The following IPO11 variants were observed in gnomAD, a reference collection of about 807,000 sequenced individuals.
The protein encoded by IPO11 is importin-11.
IPO11 carries 66 observed loss-of-function variants against 143.2 expected under a neutral mutation model. The observed-to-expected ratio is 0.46, with a 90% CI of 0.38 to 0.57. The LOEUF is 0.57. Ranked by LOEUF, IPO11 falls within the 20% of genes least tolerant of loss-of-function variation. The probability of loss-of-function intolerance (pLI) is 0.00; values close to 1 mark genes in which losing one functional copy is unlikely to be tolerated. For synonymous variants in IPO11, 385 were observed against 377.8 expected (o/e 1.02, Z -0.22); for missense variants, 1,026 against 1,141.0 (o/e 0.90, Z 1.45).
intron 15 of IPO11, among the ~76,000 whole-genome samples, chr5:62,491,202 T>G (rs1746596876): frequency 6.6e-6 from 1 of 152,240 alleles, no homozygotes; most frequent in African/African-American, 2.4e-5. Flanking sequence ...TAGGTCACAT[T>G]TAGAGCCACA....
At chr5:62,538,460 C>T (rs955244052) in intron 24 of IPO11, among the ~76,000 whole-genome samples, 2 of 152,270 alleles carry the variant, frequency 1.3e-5, no homozygotes, top group South Asian at 2.1e-4. Context: ...GGATGGTTTT[C>T]CCCATGTTGT....
chr5:62,563,415 G>A (rs1174040036), intron 27 of IPO11, among the ~76,000 whole-genome samples: 1 of 152,098 alleles, frequency 6.6e-6, no homozygotes, highest in African/African-American at 2.4e-5. Context: ...ATACCTAATT[G>A]TATCAGAAAA....
At chr5:62,585,093 A>C (rs747036795) in intron 27 of IPO11, among the ~76,000 whole-genome samples, 2 of 152,160 alleles carry the variant, frequency 1.3e-5, no homozygotes, top group Non-Finnish European at 2.9e-5. Context: ...TTTTCGGTAC[A>C]TGCACATAAA....
intron 14 of IPO11, among the ~76,000 whole-genome samples, chr5:62,489,705 G>A (rs1746535542): frequency 6.6e-6 from 1 of 152,110 alleles, no homozygotes; most frequent in Non-Finnish European, 1.5e-5. Flanking sequence ...AAGACTTGAA[G>A]GAAAGAGGAG....
Position 62,433,152 on chromosome 5 carries a change from TG to T in IPO11, c.-6-4121del, listed in dbSNP as rs200860937. On this transcript the variant is annotated intron_variant, in intron 1 of 29. Transcript: ENST00000325324. ...CTAATTTTGGCACCTTTTTGTTTTTTGTTTTTTTTTTAAAGTCAATCTACTT... is the reference window on the plus strand; with the variant it reads ...CTAATTTTGGCACCTTTTTGTTTTTTTTTTTTTTTTAAAGTCAATCTACTT... 9.5e-3 allele frequency among the ~76,000 whole-genome samples: 1,412 copies of T among 149,302 alleles called. 15 individuals are homozygous for T. Among genetic ancestry groups the T allele is most frequent in the Admixed American group, 0.012 (185 of 14,964 alleles).
At chr5:62,565,675 G>C (rs908443268) in intron 27 of IPO11, among the ~76,000 whole-genome samples, 6 of 151,564 alleles carry the variant, frequency 4.0e-5, no homozygotes, top group Non-Finnish European at 8.8e-5. Flanking sequence ...CATACTTTAA[G>C]TTCCAGGATA....
chr5:62,490,099 TAA>T lies in IPO11; in HGVS notation c.1358-14_1358-13del, dbSNP rs1746548011. Reference sequence around the variant, plus strand: ...ATCTGAAACCTTTAATTTTTTTTCTTAAATTTTCTTCTCAGTGTATAATGCTG... The same window carrying T: ...ATCTGAAACCTTTAATTTTTTTTCTTATTTTCTTCTCAGTGTATAATGCTG... On this transcript the variant is annotated splice_polypyrimidine_tract_variant and intron_variant, in intron 14 of 29. Transcript: ENST00000325324. The T allele has an allele frequency of 6.6e-7, 1 of 1,511,350 alleles. No homozygotes were observed. Among genetic ancestry groups the T allele is most frequent in the Non-Finnish European group, 8.9e-7 (1 of 1,126,086 alleles). 93.6% of individuals were successfully genotyped at this position (1,511,350 alleles called of 1,614,324 possible). A position where few individuals can be genotyped will look rare whatever the true frequency, so the allele number is the denominator to read the frequency against.
intron 1 of IPO11, among the ~76,000 whole-genome samples, chr5:62,429,322 T>TG (rs1743887377): frequency 6.6e-6 from 1 of 152,228 alleles, no homozygotes; most frequent in Non-Finnish European, 1.5e-5. Context: ...CAAGGCTCAT[T>TG]CATGTTTTAG....
chr5:62,558,973 A>G (rs975546619), intron 26 of IPO11, among the ~76,000 whole-genome samples: 1 of 152,204 alleles, frequency 6.6e-6, no homozygotes, highest in African/African-American at 2.4e-5. Context: ...ATACTGTAGT[A>G]TATTAATAGT....
intron 16 of IPO11, among the ~76,000 whole-genome samples, chr5:62,497,178 G>A (rs972078498): frequency 1.3e-5 from 2 of 152,170 alleles, no homozygotes; most frequent in Non-Finnish European, 2.9e-5. Flanking sequence ...GGCTGTGACG[G>A]AGTAGAAGTA....
intron 5 of IPO11, among the ~76,000 whole-genome samples, chr5:62,464,607 G>A (rs1012460586): frequency 1.3e-5 from 2 of 151,920 alleles, no homozygotes; most frequent in African/African-American, 4.8e-5. Context: ...TCCCCAAGTA[G>A]CTGGAAGTAT....
intron 16 of IPO11, among the ~76,000 whole-genome samples, chr5:62,503,330 C>CTATTAATATATTAATAGTATCTAT (rs1561338174): frequency 8.1e-6 from 1 of 123,520 alleles, no homozygotes; most frequent in African/African-American, 3.0e-5. Flanking sequence ...ATAGTATCTA[C>CTATTAATATATTAATAGTATCTAT]TAATATATTA....
intron 26 of IPO11, among the ~76,000 whole-genome samples, chr5:62,556,560 G>A (rs551321834): frequency 2.6e-5 from 4 of 152,170 alleles, no homozygotes; most frequent in East Asian, 1.9e-4. Flanking sequence ...GTAACAAAGC[G>A]AGACTCCATC....
intron 15 of IPO11, among the ~76,000 whole-genome samples, chr5:62,490,699 T>A (rs183123239): frequency 5.3e-5 from 8 of 152,316 alleles, no homozygotes; most frequent in Admixed American, 5.2e-4. Context: ...AGATTCATAT[T>A]ACATTTAGTA....
At chr5:62,567,444 A>T (rs1337899334) in intron 27 of IPO11, among the ~76,000 whole-genome samples, 2 of 132,142 alleles carry the variant, frequency 1.5e-5, no homozygotes, top group South Asian at 2.4e-4. Flanking sequence ...CTGAATATTT[A>T]TATCTTTCTC....
chr5:62,567,495 A>ATTTTTTT (rs371387218), intron 27 of IPO11, among the ~76,000 whole-genome samples: 1 of 126,980 alleles, frequency 7.9e-6, no homozygotes, highest in Non-Finnish European at 1.6e-5. Flanking sequence ...TATTATTATT[A>ATTTTTTT]TTTTTTTTAC....
intron 5 of IPO11, 124 bp from the exon 6 acceptor site, chr5:62,467,007 C>A: frequency 4.7e-6 from 4 of 853,948 alleles, no homozygotes; most frequent in South Asian, 1.9e-5. Context: ...TATTCTTTGA[C>A]TATTTCAGAT....
intron 20 of IPO11, among the ~76,000 whole-genome samples, chr5:62,525,184 A>C (rs973662547): frequency 1.3e-5 from 2 of 152,188 alleles, no homozygotes; most frequent in Non-Finnish European, 1.5e-5. Context: ...TGTATCTAAG[A>C]AGCATTAACA....
chr5:62,513,266 ACCCCCCC>A (rs1741841535), intron 19 of IPO11, among the ~76,000 whole-genome samples: 1 of 134,646 alleles, frequency 7.4e-6, no homozygotes, highest in Non-Finnish European at 1.6e-5. Flanking sequence ...CGGGGGGCTG[ACCCCCCC>A]ACCTCCCTCC....
Sources: gnomAD v4.1 joint callset for allele counts (sites outside exome capture counted in the v4.1 genomes callset) on GRCh38, gnomAD v4.1.1 for gene constraint, MANE v1.5 for transcripts, NCBI Gene and HGNC (gene_info 2026-07-23, HGNC 2026-07-21) for gene names.